Variants in NCKAP5 observed in about 807,000 individuals in gnomAD.
NCKAP5 encodes the protein nck-associated protein 5.
Under a neutral mutation model 167.0 loss-of-function variants are expected in NCKAP5, and 92 were observed. That is an observed-to-expected ratio of 0.55 (90% confidence interval 0.47 to 0.66). The LOEUF (loss-of-function observed/expected upper bound fraction) is 0.66, where lower values mean the gene tolerates loss of function less well. NCKAP5 is among the 30% of genes least tolerant of loss of function. The probability of loss-of-function intolerance (pLI) is 0.00; values close to 1 mark genes in which losing one functional copy is unlikely to be tolerated. For missense variants in NCKAP5, 2,378 were observed against 2,315.0 expected (o/e 1.03, Z -0.56); for synonymous variants, 891 against 877.4 (o/e 1.02, Z -0.27).
intron 8 of NCKAP5, among the ~76,000 whole-genome samples, chr2:132,952,675 T>C (rs1282484290): frequency 6.6e-6 from 1 of 152,206 alleles, no homozygotes; most frequent in African/African-American, 2.4e-5. Context: ...CAAGTTCAGC[T>C]TCCTCACATC....
At chr2:133,177,361 A>C (rs759707005) in intron 5 of NCKAP5, among the ~76,000 whole-genome samples, 6 of 152,066 alleles carry the variant, frequency 3.9e-5, no homozygotes, top group African/African-American at 7.2e-5. Context: ...CACATTCCCT[A>C]TACTGAAGGC....
At chr2:133,638,656 G>C in the NCKAP5 span, among the ~76,000 whole-genome samples, 4 of 152,020 alleles carry the variant, frequency 2.6e-5, no homozygotes, top group Non-Finnish European at 4.4e-5. Context: ...TCAGGAGTTC[G>C]AGACCAGCTT....
chr2:133,341,997 G>A (rs758893275), intron 3 of NCKAP5, among the ~76,000 whole-genome samples: 17 of 151,960 alleles, frequency 1.1e-4, no homozygotes, highest in Admixed American at 2.6e-4. Flanking sequence ...GGAGTGCAGC[G>A]GTGCGATCTC....
the NCKAP5 span, among the ~76,000 whole-genome samples, chr2:133,664,265 G>A: frequency 3.8e-4 from 58 of 151,908 alleles, no homozygotes; most frequent in Non-Finnish European, 5.9e-4. Context: ...TTTATTTCTA[G>A]AGCATAGGCA....
At chr2:133,443,689 C>T (rs976065184) in intron 3 of NCKAP5, among the ~76,000 whole-genome samples, 15 of 152,210 alleles carry the variant, frequency 9.9e-5, no homozygotes, top group African/African-American at 3.4e-4. Flanking sequence ...AGCTCCAGCT[C>T]ACCCCTGAGT....
intron 19 of NCKAP5, among the ~76,000 whole-genome samples, chr2:132,691,093 A>G (rs1686672956): frequency 1.3e-5 from 2 of 152,180 alleles, no homozygotes; most frequent in Non-Finnish European, 2.9e-5. Flanking sequence ...AATAGTTCCC[A>G]TTCCATGCTA....
At chr2:133,367,033 A>G (rs556214086) in intron 3 of NCKAP5, among the ~76,000 whole-genome samples, 2 of 152,350 alleles carry the variant, frequency 1.3e-5, no homozygotes, top group South Asian at 4.1e-4. Context: ...CAAGTCCCAC[A>G]CCTTCAACCT....
At chr2:132,754,642 G>GT (rs1252344784) in intron 16 of NCKAP5, among the ~76,000 whole-genome samples, 2 of 152,316 alleles carry the variant, frequency 1.3e-5, no homozygotes, top group African/African-American at 4.8e-5. Context: ...CATGCCATCT[G>GT]TTTTAAAGAA....
chr2:133,385,469 T>C (rs1686877588), intron 3 of NCKAP5, among the ~76,000 whole-genome samples: 1 of 152,232 alleles, frequency 6.6e-6, no homozygotes, highest in African/African-American at 2.4e-5. Context: ...TTGAGGATTT[T>C]TGCATTGATG....
At chr2:133,492,334 A>G (rs1397642414) in intron 3 of NCKAP5, among the ~76,000 whole-genome samples, 2 of 152,228 alleles carry the variant, frequency 1.3e-5, no homozygotes. Context: ...GGTACCTTAC[A>G]GTATAGTTGT....
chr2:132,763,854 T>C (rs771214737), intron 16 of NCKAP5, among the ~76,000 whole-genome samples: 1 of 152,206 alleles, frequency 6.6e-6, no homozygotes, highest in East Asian at 1.9e-4. Flanking sequence ...AGAGGGCAGA[T>C]ACTATGTCTT....
intron 2 of NCKAP5, among the ~76,000 whole-genome samples, chr2:133,529,204 T>C (rs1457157428): frequency 1.3e-5 from 2 of 152,188 alleles, no homozygotes; most frequent in East Asian, 3.8e-4. Flanking sequence ...ATATAAGCTA[T>C]AACAAATGTA....
chr2:133,049,647 C>G (rs2079537716), intron 6 of NCKAP5, among the ~76,000 whole-genome samples: 1 of 151,188 alleles, frequency 6.6e-6, no homozygotes, highest in South Asian at 2.1e-4. Context: ...AAAATACTAA[C>G]TGGTTTATTT....
intron 6 of NCKAP5, among the ~76,000 whole-genome samples, chr2:133,073,686 T>G (rs1435392456): frequency 6.6e-6 from 1 of 152,036 alleles, no homozygotes; most frequent in Non-Finnish European, 1.5e-5. Context: ...CAGGATACAA[T>G]CCAAAATTAT....
chr2:133,383,659 G>A (rs1336665238), intron 3 of NCKAP5, among the ~76,000 whole-genome samples: 1 of 152,186 alleles, frequency 6.6e-6, no homozygotes, highest in Non-Finnish European at 1.5e-5. Flanking sequence ...CACAATGGTT[G>A]AACTAGTTTA....
chr2:133,007,882 CA>C lies in NCKAP5; in HGVS notation c.342-13644del, dbSNP rs763400993. ...TAGTATGGATTTTCACTGCCTCATT[CA>C]ACAGCTGTCACTTCAGTTTAAGGGC... On this transcript the variant is annotated intron_variant, in intron 6 of 19. Transcript: ENST00000409261. Among the ~76,000 whole-genome samples, 9 of 152,284 alleles carry C rather than the reference CA, an allele frequency of 5.9e-5. 2 individuals are homozygous for C. The highest frequency in any genetic ancestry group is 2.4e-5 in the African/African-American group (1 of 41,564).
intron 6 of NCKAP5, among the ~76,000 whole-genome samples, chr2:133,009,332 T>C (rs2078073464): frequency 6.6e-6 from 1 of 152,222 alleles, no homozygotes; most frequent in South Asian, 2.1e-4. Context: ...GGGACTCTTA[T>C]GCATATCTCA....
chr2:133,558,722 A>AAAAAAAAAAAAAC (rs1687940098), intron 2 of NCKAP5, among the ~76,000 whole-genome samples: 1 of 147,956 alleles, frequency 6.8e-6, no homozygotes, highest in Non-Finnish European at 1.5e-5. Flanking sequence ...AAAAAAAAAA[A>AAAAAAAAAAAAAC]AAAAGCCCAT....
intron 6 of NCKAP5, among the ~76,000 whole-genome samples, chr2:133,124,185 C>T (rs2082332958): frequency 6.6e-6 from 1 of 152,102 alleles, no homozygotes; most frequent in African/African-American, 2.4e-5. Flanking sequence ...CAAAGAAATC[C>T]TGAAGGTAGG....
Sources: gnomAD v4.1 joint callset for allele counts (sites outside exome capture counted in the v4.1 genomes callset) on GRCh38, gnomAD v4.1.1 for gene constraint, MANE v1.5 for transcripts, NCBI Gene and HGNC (gene_info 2026-07-23, HGNC 2026-07-21) for gene names.